Variants in EXOC6 observed in about 807,000 individuals in gnomAD.
EXOC6 encodes exocyst complex component 6.
A neutral mutation model predicts 112.5 loss-of-function variants in EXOC6; 60 were observed. The observed-to-expected ratio is 0.53, with a 90% CI of 0.43 to 0.66. The LOEUF (loss-of-function observed/expected upper bound fraction) is 0.66, where lower values mean the gene tolerates loss of function less well. Among genes scored for constraint, EXOC6 ranks in the 30% least tolerant of loss-of-function variants. The probability of loss-of-function intolerance (pLI) is 0.00; values close to 1 mark genes in which losing one functional copy is unlikely to be tolerated. For missense variants in EXOC6, 855 were observed against 957.1 expected (o/e 0.89, Z 1.41); for synonymous variants, 295 against 308.0 (o/e 0.96, Z 0.44).
At chr10:93,017,927 T>C (rs1319049553) in intron 20 of EXOC6, among the ~76,000 whole-genome samples, 2 of 151,448 alleles carry the variant, frequency 1.3e-5, no homozygotes, top group Admixed American at 1.3e-4. Flanking sequence ...GGGGAATCAC[T>C]TGAACTTGGG....
Position 92,948,289 on chromosome 10 carries a change from A to C in EXOC6, c.1326A>C (p.Glu442Asp), listed in dbSNP as rs565631272. Residue 442 changes from glutamate to aspartate, a missense_variant, in exon 14 of 22, where the codon GAA becomes GAC. Transcript: ENST00000260762. ...TTCCTAACAGGGACATTTTTGAAGA[A>C]GATAATTACAGCCCCATCCCTGTTG... ...WAGVFRDIFEEDNYSPIPVVN... is the reference protein window; with the variant it reads ...WAGVFRDIFEDDNYSPIPVVN... 2.5e-6 allele frequency: 4 copies of C among 1,603,160 alleles called. No homozygotes were observed. The highest frequency in any genetic ancestry group is 3.4e-5 in the Admixed American group (2 of 58,352).
chr10:92,940,856 G>T, intron 13 of EXOC6, 32 bp downstream of exon 13: 1 of 1,343,810 alleles, frequency 7.4e-7, no homozygotes, highest in South Asian at 1.2e-5. Context: ...TTAATATAAT[G>T]AATATGTTTG....
intron 1 of EXOC6, among the ~76,000 whole-genome samples, chr10:92,868,760 T>G (rs1848298015): frequency 6.6e-6 from 1 of 151,962 alleles, no homozygotes; most frequent in South Asian, 2.1e-4. Flanking sequence ...TTTCTCACTA[T>G]TTTAATTGGG....
intron 1 of EXOC6, among the ~76,000 whole-genome samples, chr10:92,856,824 A>G (rs547275569): frequency 2.6e-5 from 4 of 152,264 alleles, no homozygotes; most frequent in Non-Finnish European, 4.4e-5. Context: ...TTAGATGCAT[A>G]TATGTTTATA....
chr10:92,896,139 ATG>A (rs1383295056), intron 4 of EXOC6, among the ~76,000 whole-genome samples: 1 of 28,928 alleles, frequency 3.5e-5, no homozygotes, highest in Non-Finnish European at 5.8e-5. Context: ...GTGTGTGTGT[ATG>A]TATGTGTATA....
At chr10:92,962,398 GT>G (rs1007459837) in intron 17 of EXOC6, among the ~76,000 whole-genome samples, 7 of 150,154 alleles carry the variant, frequency 4.7e-5, no homozygotes, top group African/African-American at 1.5e-4. Context: ...TATATATATG[GT>G]TTTTTTTTGA....
chr10:93,040,026 C>A (rs1377775429), intron 20 of EXOC6, among the ~76,000 whole-genome samples: 1 of 152,172 alleles, frequency 6.6e-6, no homozygotes, highest in Non-Finnish European at 1.5e-5. Flanking sequence ...GTGAAAGCTC[C>A]AGCCCCTCTG....
chr10:93,044,941 C>T (rs557883359), intron 20 of EXOC6, among the ~76,000 whole-genome samples: 21 of 152,184 alleles, frequency 1.4e-4, no homozygotes, highest in African/African-American at 4.8e-4. Context: ...GGTGCAATCT[C>T]GGCTCACTGC....
At chr10:92,900,686 C>T (rs1159036204) in intron 5 of EXOC6, 1 of 150,960 alleles carries the variant, frequency 6.6e-6, no homozygotes, top group African/African-American at 2.4e-5. Flanking sequence ...CAGATATCAC[C>T]TTTCCTATTT....
intron 1 of EXOC6, among the ~76,000 whole-genome samples, chr10:92,851,075 A>G (rs763402469): frequency 1.2e-4 from 18 of 152,230 alleles, no homozygotes; most frequent in Admixed American, 2.6e-4. Context: ...TAAAATGAAA[A>G]CACAGCATAT....
chr10:92,827,472 G>A (rs1306109612), intron 1 of EXOC6, among the ~76,000 whole-genome samples: 21 of 8,496 alleles, frequency 2.5e-3, no homozygotes, highest in Non-Finnish European at 5.0e-3. Flanking sequence ...AGGCCCTGTT[G>A]CCAAAAAAAA....
intron 13 of EXOC6, among the ~76,000 whole-genome samples, chr10:92,943,563 TA>T (rs1477007476): frequency 6.6e-6 from 1 of 152,222 alleles, no homozygotes; most frequent in Non-Finnish European, 1.5e-5. Flanking sequence ...ATTTTTGTAT[TA>T]TTTTTGGATA....
chr10:92,891,574 C>G (rs1239439294), intron 1 of EXOC6, among the ~76,000 whole-genome samples: 1 of 152,080 alleles, frequency 6.6e-6, no homozygotes, highest in Non-Finnish European at 1.5e-5. Context: ...CTCTGCCTCC[C>G]GGGTTCAAGC....
chr10:92,974,217 G>A lies in EXOC6; in HGVS notation c.1938G>A (p.Val646=), dbSNP rs959247612. ...ATTTTTTGAGAAGCATCTTTCAAGT[G>A]TTTACTCATTTGCCTGTAAGTATAA... is the stretch of plus-strand genomic sequence containing the variant. ...LINFLRSIFQ[V]FTHLPGKVAQ... is the part of the protein sequence containing the mutation. Residue 646 remains valine, a synonymous_variant, in exon 18 of 22, where the codon GTG becomes GTA. Coordinates refer to ENST00000260762, the MANE Select transcript of EXOC6 (RefSeq NM_019053.6). The A allele has an allele frequency of 9.6e-6, 15 of 1,562,096 alleles. No homozygotes were observed. The highest frequency in any genetic ancestry group is 1.4e-5 in the African/African-American group (1 of 71,734).
chr10:93,029,189 A>G (rs1199167144), intron 20 of EXOC6, among the ~76,000 whole-genome samples: 1 of 152,194 alleles, frequency 6.6e-6, no homozygotes, highest in African/African-American at 2.4e-5. Context: ...AGTAAAGTAC[A>G]TTTAATTAGG....
intron 19 of EXOC6, among the ~76,000 whole-genome samples, chr10:93,000,585 G>A (rs1199116599): frequency 6.6e-6 from 1 of 152,192 alleles, no homozygotes; most frequent in Non-Finnish European, 1.5e-5. Flanking sequence ...CTGTAGATAT[G>A]AAAAGGGAGA....
Position 93,056,772 on chromosome 10 carries a change from G to C in EXOC6, c.2170-152G>C, listed in dbSNP as rs908692553. 14 of 585,278 alleles carry C rather than the reference G, an allele frequency of 2.4e-5. No individual in the cohort carries two copies. The African/African-American group carries it at 2.8e-4, about 12-fold the overall frequency. The allele number at this position is 585,278 out of a possible 1,614,324, so 36.3% of individuals were successfully genotyped here. A position where few individuals can be genotyped will look rare whatever the true frequency, so the allele number is the denominator to read the frequency against. On this transcript the variant is annotated intron_variant, in intron 20 of 21. Coordinates refer to ENST00000260762, the MANE Select transcript of EXOC6 (RefSeq NM_019053.6). ...TAAAAAGATCTATTTTGATTGTAAA[G>C]TACAGTTAATGAAGTTTTAAAAATG... is the stretch of plus-strand genomic sequence containing the variant.
intron 4 of EXOC6, among the ~76,000 whole-genome samples, chr10:92,896,181 ATTTTTTTTTTT>A (rs58783356): frequency 2.2e-3 from 23 of 10,232 alleles, no homozygotes; most frequent in South Asian, 6.8e-3. Flanking sequence ...ATATATATAT[ATTTTTTTTTTT>A]TTTTTTTTTT....
At chr10:92,906,005 C>T (rs1850423505) in intron 5 of EXOC6, among the ~76,000 whole-genome samples, 3 of 152,070 alleles carry the variant, frequency 2.0e-5, no homozygotes, top group African/African-American at 4.8e-5. Flanking sequence ...TTTTGCTTCA[C>T]ATATTTTGAT....
Sources: allele counts gnomAD v4.1 joint callset (sites outside exome capture counted in the v4.1 genomes callset), GRCh38; gene constraint gnomAD v4.1.1; transcripts MANE v1.5; gene names NCBI Gene and HGNC (gene_info 2026-07-23, HGNC 2026-07-21).